Variants in AVL9 observed in about 807,000 individuals in gnomAD.
AVL9 encodes the protein late secretory pathway protein AVL9 homolog.
Under a neutral mutation model 79.2 loss-of-function variants are expected in AVL9, and 49 were observed. The observed-to-expected ratio is 0.62, with a 90% CI of 0.49 to 0.79. The LOEUF (loss-of-function observed/expected upper bound fraction) is 0.79, where lower values mean the gene tolerates loss of function less well. Among genes scored for constraint, AVL9 ranks in the 30% least tolerant of loss-of-function variants. The pLI, the probability that AVL9 is intolerant of heterozygous loss-of-function variation, is 0.00. For missense variants in AVL9, 682 were observed against 776.8 expected (o/e 0.88, Z 1.45); for synonymous variants, 299 against 280.6 (o/e 1.07, Z -0.65).
chr7:32,516,712 G>T (rs888576819), intron 1 of AVL9, among the ~76,000 whole-genome samples: 2 of 150,380 alleles, frequency 1.3e-5, no homozygotes, highest in Non-Finnish European at 2.9e-5. Context: ...ACACGCTATG[G>T]AGTCCTGCCA....
chr7:32,557,411 C>G (rs1790114127), intron 8 of AVL9, among the ~76,000 whole-genome samples: 1 of 152,076 alleles, frequency 6.6e-6, no homozygotes, highest in South Asian at 2.1e-4. Context: ...TGCTAGCTCT[C>G]TTTTATTTCA....
intron 10 of AVL9, among the ~76,000 whole-genome samples, chr7:32,567,477 C>A (rs557024870): frequency 6.6e-6 from 1 of 152,158 alleles, no homozygotes; most frequent in Admixed American, 6.5e-5. Context: ...CCACTTAGTT[C>A]AATATTTGAA....
chr7:32,525,035 C>G (rs370653525), intron 1 of AVL9, among the ~76,000 whole-genome samples: 1 of 152,158 alleles, frequency 6.6e-6, no homozygotes, highest in South Asian at 2.1e-4. Context: ...AACTGTATGA[C>G]GGGCTGCTAG....
chr7:32,554,387 A>G (rs1333455757), intron 7 of AVL9, among the ~76,000 whole-genome samples, 171 bp from the exon 8 acceptor site: 1 of 152,222 alleles, frequency 6.6e-6, no homozygotes, highest in Non-Finnish European at 1.5e-5. Flanking sequence ...TCTCACATTT[A>G]AGAGTACACA....
chr7:32,501,643 G>A (rs1358953400), intron 1 of AVL9, among the ~76,000 whole-genome samples: 4 of 152,158 alleles, frequency 2.6e-5, no homozygotes, highest in Non-Finnish European at 5.9e-5. Flanking sequence ...GTCAACTTGT[G>A]TACTAGAACT....
chr7:32,497,932 T>C (rs912081934), intron 1 of AVL9, among the ~76,000 whole-genome samples: 3 of 152,322 alleles, frequency 2.0e-5, no homozygotes, highest in South Asian at 4.1e-4. Flanking sequence ...ATTACAGGCG[T>C]GAGCCACCAC....
intron 12 of AVL9, among the ~76,000 whole-genome samples, chr7:32,575,072 A>T (rs546348252): frequency 2.8e-5 from 4 of 142,748 alleles, no homozygotes; most frequent in African/African-American, 7.6e-5. Flanking sequence ...AGTTTTCAGT[A>T]TATTCTTTTA....
chr7:32,563,308 A>T (rs1026952016), intron 10 of AVL9, among the ~76,000 whole-genome samples: 2 of 152,178 alleles, frequency 1.3e-5, no homozygotes, highest in Non-Finnish European at 2.9e-5. Flanking sequence ...CTGGGATTAC[A>T]GGCATGAGCC....
intron 15 of AVL9, among the ~76,000 whole-genome samples, chr7:32,582,896 G>T (rs1389020535): frequency 2.6e-5 from 4 of 152,052 alleles, no homozygotes; most frequent in Non-Finnish European, 2.9e-5. Flanking sequence ...TGTTTCCCAG[G>T]CTGTCTCGAA....
At chr7:32,523,127 A>G (rs1001070871) in intron 1 of AVL9, among the ~76,000 whole-genome samples, 39 of 137,188 alleles carry the variant, frequency 2.8e-4, no homozygotes, top group Admixed American at 3.2e-4. Context: ...ATAGATGGTT[A>G]ATAAAACATT....
chr7:32,518,552 TAAAG>T (rs1209720141), intron 1 of AVL9, among the ~76,000 whole-genome samples: 2 of 152,048 alleles, frequency 1.3e-5, no homozygotes, highest in African/African-American at 4.8e-5. Context: ...TATGTATAAA[TAAAG>T]AGGAACCAGC....
intron 1 of AVL9, among the ~76,000 whole-genome samples, chr7:32,513,033 A>G (rs541067918): frequency 1.3e-5 from 2 of 152,056 alleles, no homozygotes; most frequent in South Asian, 2.1e-4. Context: ...TCTACCAACT[A>G]CTTGCTAATC....
At chr7:32,522,918 C>A (rs1788224562) in intron 1 of AVL9, among the ~76,000 whole-genome samples, 1 of 152,038 alleles carries the variant, frequency 6.6e-6, no homozygotes. Context: ...TCTGCTTTTG[C>A]TGCTTCCTCA....
chr7:32,545,094 G>A (rs1294743407), intron 3 of AVL9, among the ~76,000 whole-genome samples: 1 of 106,314 alleles, frequency 9.4e-6, no homozygotes, highest in Admixed American at 1.2e-4. Flanking sequence ...CTAGTGTTTG[G>A]CATATAACTT....
At chr7:32,520,936 A>AG (rs1788114935) in intron 1 of AVL9, among the ~76,000 whole-genome samples, 1 of 152,072 alleles carries the variant, frequency 6.6e-6, no homozygotes, top group African/African-American at 2.4e-5. Context: ...TTCCCATGCT[A>AG]TTCTCGTGAT....
At chr7:32,509,330 A>C (rs891895801) in intron 1 of AVL9, among the ~76,000 whole-genome samples, 1 of 151,628 alleles carries the variant, frequency 6.6e-6, no homozygotes, top group Non-Finnish European at 1.5e-5. Context: ...AAAAAACAAA[A>C]CTCTGTACCC....
At chr7:32,537,853 C>G (rs1390058045) in intron 1 of AVL9, 3 of 152,134 alleles carry the variant, frequency 2.0e-5, no homozygotes, top group Non-Finnish European at 4.4e-5. Context: ...AATCTACCAG[C>G]AGGAGAAGAG....
chr7:32,579,571 AT>A (rs1791387243), intron 13 of AVL9, among the ~76,000 whole-genome samples: 1 of 1,240 alleles, frequency 8.1e-4, no homozygotes, highest in Non-Finnish European at 1.3e-3. Context: ...ATTATATATT[AT>A]ATTATATATT....
intron 1 of AVL9, among the ~76,000 whole-genome samples, chr7:32,540,871 CTTTTTTTTTTTTTTTTTTTTTTTTTTT>C (rs749306635): frequency 1.4e-4 from 10 of 72,470 alleles, no homozygotes; most frequent in South Asian, 4.4e-4. Flanking sequence ...TGTTGTACTA[CTTTTTTTTTTTTTTTTTTTTTTTTTTT>C]TTTTTTTTTT....
Sources: allele counts gnomAD v4.1 joint callset (sites outside exome capture counted in the v4.1 genomes callset), GRCh38; gene constraint gnomAD v4.1.1; transcripts MANE v1.5; gene names NCBI Gene and HGNC (gene_info 2026-07-23, HGNC 2026-07-21).